PTPRN2: variants seen among roughly 807,000 people sequenced by gnomAD.
PTPRN2 encodes the protein receptor-type tyrosine-protein phosphatase N2.
Under a neutral mutation model 118.8 loss-of-function variants are expected in PTPRN2, and 74 were observed. That is an observed-to-expected ratio of 0.62 (90% CI 0.52 to 0.76). The LOEUF (loss-of-function observed/expected upper bound fraction) is 0.76, where lower values mean the gene tolerates loss of function less well. Ranked by LOEUF, PTPRN2 falls within the 30% of genes least tolerant of loss-of-function variation. The probability of loss-of-function intolerance (pLI) is 0.00; values close to 1 mark genes in which losing one functional copy is unlikely to be tolerated. For synonymous variants in PTPRN2, 641 were observed against 608.0 expected, an observed-to-expected ratio of 1.05 and a Z score of -0.80; for missense variants, 1,481 against 1,394.4, an observed-to-expected ratio of 1.06 and a Z score of -0.99.
At chr7:157,968,105 A>G (rs1287531593) in intron 11 of PTPRN2, among the ~76,000 whole-genome samples, 1 of 152,002 alleles carries the variant, frequency 6.6e-6, no homozygotes, top group African/African-American at 2.4e-5. Flanking sequence ...GCAGGGGAGG[A>G]CCCACTACTC....
chr7:158,106,462 C>T (rs1285873619), intron 10 of PTPRN2, among the ~76,000 whole-genome samples: 1 of 152,212 alleles, frequency 6.6e-6, no homozygotes, highest in Non-Finnish European at 1.5e-5. Flanking sequence ...TTTCTTAGCT[C>T]CCTCCCTGCC....
At chr7:158,094,017 G>T (rs1391836145) in intron 10 of PTPRN2, among the ~76,000 whole-genome samples, 1 of 152,174 alleles carries the variant, frequency 6.6e-6, no homozygotes, top group Non-Finnish European at 1.5e-5. Flanking sequence ...CATGGGATTT[G>T]GGAAATCCTT....
In PTPRN2 at chr7:158,418,069, C is replaced by T. The variant is rs572215573; in HGVS notation, c.163+71666G>A. Among the ~76,000 whole-genome samples the T allele has an allele frequency of 4.6e-5, 7 of 150,758 alleles. No individual in the cohort carries two copies. In the East Asian group the frequency reaches 1.4e-3, roughly 30 times the overall value. Reference sequence around the variant, plus strand: ...AGTCATGGTGTACTACATCGAGATGCTCTAGCTTTCAGTGTCCCACTGTGT... The same window carrying T: ...AGTCATGGTGTACTACATCGAGATGTTCTAGCTTTCAGTGTCCCACTGTGT... On this transcript the variant is annotated intron_variant, in intron 2 of 22. Transcript: ENST00000389418.
At chr7:157,634,224 C>T (rs1323906774) in intron 14 of PTPRN2, among the ~76,000 whole-genome samples, 1 of 152,154 alleles carries the variant, frequency 6.6e-6, no homozygotes, top group Non-Finnish European at 1.5e-5. Flanking sequence ...CAAGGAAAGA[C>T]CCTAATGATT....
At chr7:157,809,179 G>A (rs536769010) in intron 12 of PTPRN2, among the ~76,000 whole-genome samples, 9 of 152,398 alleles carry the variant, frequency 5.9e-5, no homozygotes, top group Admixed American at 1.3e-4. Context: ...AAAGAGGAAC[G>A]TGTTGCGACA....
intron 5 of PTPRN2, among the ~76,000 whole-genome samples, chr7:158,168,293 C>T (rs565126059): frequency 3.0e-4 from 45 of 152,336 alleles, no homozygotes; most frequent in South Asian, 4.1e-4. Flanking sequence ...GTCCTTTGCA[C>T]GGCAGCTCGG....
chr7:157,662,644 T>C (rs1368197738), intron 13 of PTPRN2, among the ~76,000 whole-genome samples: 1 of 151,988 alleles, frequency 6.6e-6, no homozygotes, highest in Non-Finnish European at 1.5e-5. Flanking sequence ...TGAGCAGGCA[T>C]GGGGCCTGGA....
chr7:158,105,251 T>A (rs1331893228), intron 10 of PTPRN2, among the ~76,000 whole-genome samples: 2 of 144,338 alleles, frequency 1.4e-5, no homozygotes, highest in Non-Finnish European at 3.1e-5. Flanking sequence ...AACTCCACCC[T>A]CAGCTCCATC....
rs1024500979 is a variant in PTPRN2, at chr7:157,627,754, C to T, written c.2197-6245G>A. Among the ~76,000 whole-genome samples, 2 of 152,134 alleles carry T rather than the reference C, an allele frequency of 1.3e-5. No individual in the cohort carries two copies. The highest frequency in any genetic ancestry group is 4.8e-5 in the African/African-American group (2 of 41,428). On this transcript the variant is annotated intron_variant, in intron 14 of 22. Transcript: ENST00000389418. This position sits in a 1 kb window ranked among gnomAD's most constrained non-coding sequence, Gnocchi z 4.2. ...TGGAAGAGTGAATTCCTAGATCAAA[C>T]CATTCATGGAGAAAGCTACGGGGAC...
intron 11 of PTPRN2, among the ~76,000 whole-genome samples, chr7:158,010,502 A>G (rs1329475425): frequency 6.6e-6 from 1 of 152,244 alleles, no homozygotes; most frequent in Non-Finnish European, 1.5e-5. Flanking sequence ...AGCTACTTCT[A>G]CAAACATCAG....
Position 157,610,111 on chromosome 7 carries a change from T to G in PTPRN2, c.2345-6036A>C, listed in dbSNP as rs1802243904. Among the ~76,000 whole-genome samples the G allele has an allele frequency of 6.6e-6, 1 of 152,212 alleles. No individual in the cohort carries two copies. The highest frequency in any genetic ancestry group is 2.1e-4 in the South Asian group (1 of 4,828). Reference sequence around the variant, plus strand: ...GGCTTGCTGTCCACACTCAGGAAGCTGCTCTGCAGGGCCAAGAATCTGCCT... The same window carrying G: ...GGCTTGCTGTCCACACTCAGGAAGCGGCTCTGCAGGGCCAAGAATCTGCCT... On this transcript the variant is annotated intron_variant, in intron 15 of 22. Coordinates refer to ENST00000389418, the MANE Select transcript of PTPRN2 (RefSeq NM_002847.5). The surrounding 1 kb of genome is among the most constrained non-coding windows in gnomAD (Gnocchi z 5.1).
intron 4 of PTPRN2, 82 bp downstream of exon 4, chr7:158,205,089 C>T (rs1585844004): frequency 8.7e-7 from 1 of 1,148,332 alleles, no homozygotes; most frequent in Admixed American, 1.9e-5. Flanking sequence ...TACATTAAAA[C>T]AAACAAACAA....
chr7:158,186,540 T>A (rs979959707), intron 5 of PTPRN2, among the ~76,000 whole-genome samples: 13 of 145,636 alleles, frequency 8.9e-5, no homozygotes, highest in Non-Finnish European at 1.5e-4. Context: ...ACGCCTGGGC[T>A]CACCTGCCCC....
In PTPRN2 at chr7:157,571,424, TA is replaced by T; in HGVS notation, c.2837+15del. 1 of 1,594,452 alleles carries T rather than the reference TA, an allele frequency of 6.3e-7. No individual in the cohort carries two copies. ...AGGTAGCCAAAACTTCTTAATCCAT[TA>T]AAAGTTGTACTTGCCTGCAATGAAC... is the stretch of plus-strand genomic sequence containing the variant. On this transcript the variant is annotated intron_variant, in intron 20 of 22. Coordinates refer to ENST00000389418, the MANE Select transcript of PTPRN2 (RefSeq NM_002847.5).
chr7:157,621,257 C>T lies in PTPRN2; in HGVS notation c.2344+105G>A, dbSNP rs1303160740. On this transcript the variant is annotated intron_variant, in intron 15 of 22. Transcript: ENST00000389418. ...AGGTCAGCACGGCCAGTTTCCTCCG[C>T]CCGGAACCCTGGCCTCCTGCCCTCG... is the stretch of plus-strand genomic sequence containing the variant. 12,310 of 1,416,310 alleles carry T rather than the reference C, an allele frequency of 8.7e-3. 29 individuals are homozygous for T. The highest frequency in any genetic ancestry group is 0.03 in the East Asian group (1,259 of 41,654). The allele number at this position is 1,416,310 out of a possible 1,614,324, so 87.7% of individuals were successfully genotyped here. A position where few individuals can be genotyped will look rare whatever the true frequency, so the allele number is the denominator to read the frequency against.
At chr7:157,918,650 C>T (rs763255988) in intron 11 of PTPRN2, among the ~76,000 whole-genome samples, 17 of 152,012 alleles carry the variant, frequency 1.1e-4, no homozygotes, top group Non-Finnish European at 1.0e-4. Context: ...GGCGTCATGG[C>T]GTCGACACCA....
intron 12 of PTPRN2, among the ~76,000 whole-genome samples, chr7:157,887,669 A>G (rs371029647): frequency 2.8e-3 from 6 of 2,118 alleles, no homozygotes; most frequent in East Asian, 0.017. Flanking sequence ...CCCAGTACCC[A>G]CTTCCCCCAG....
chr7:157,963,099 C>T (rs1230247544), intron 11 of PTPRN2, among the ~76,000 whole-genome samples: 1 of 152,236 alleles, frequency 6.6e-6, no homozygotes, highest in Admixed American at 6.5e-5. Flanking sequence ...CACAGACGTG[C>T]TCAGCAGACG....
chr7:158,081,500 C>G, intron 10 of PTPRN2, 123 bp from the exon 11 acceptor site: 1 of 863,758 alleles, frequency 1.2e-6, no homozygotes, highest in Non-Finnish European at 1.9e-6. Context: ...CGCTGTGGCT[C>G]CAGGCGTCGA....
Sources: allele counts gnomAD v4.1 joint callset (sites outside exome capture counted in the v4.1 genomes callset), GRCh38; gene constraint gnomAD v4.1.1; non-coding constraint Gnocchi (gnomAD v3.1); transcripts MANE v1.5; gene names NCBI Gene and HGNC (gene_info 2026-07-23, HGNC 2026-07-21).